ZNF638: variants seen among roughly 807,000 people sequenced by gnomAD.
ZNF638 encodes the protein CTCL tumor antigen se33-1.
In ZNF638, 46 loss-of-function variants were observed where a neutral mutation model predicts 195.6. That is an observed-to-expected ratio of 0.24 (90% CI 0.19 to 0.30). The LOEUF is 0.30. Ranked by LOEUF, ZNF638 falls within the 10% of genes least tolerant of loss-of-function variation. The probability of loss-of-function intolerance (pLI) is 1.00; values close to 1 mark genes in which losing one functional copy is unlikely to be tolerated. For synonymous variants in ZNF638, 845 were observed against 772.0 expected (o/e 1.09, Z -1.57); for missense variants, 2,440 against 2,325.3 (o/e 1.05, Z -1.01).
intron 10 of ZNF638, among the ~76,000 whole-genome samples, chr2:71,394,848 A>G (rs529989171): frequency 6.9e-6 from 1 of 144,962 alleles, no homozygotes; most frequent in Admixed American, 6.7e-5. Flanking sequence ...ACAGCAGGGT[A>G]CAAATCAAAA....
rs369342536 is a variant in ZNF638 at position 71,410,970 on chromosome 2, C to T, written c.3261+2723C>T. Among the ~76,000 whole-genome samples, 122 of 125,972 alleles carry T rather than the reference C, an allele frequency of 9.7e-4. 9 individuals carry two copies. In the East Asian group the frequency reaches 0.029, roughly 30 times the overall value. 82.6% of individuals were successfully genotyped at this position (125,972 alleles called of 152,430 possible). ...GCTTTTAGAGCAGGAAGTTTTTCTCCCCACCCACCACCTCCCCCCCCCTTT... is the reference window on the plus strand; with the variant it reads ...GCTTTTAGAGCAGGAAGTTTTTCTCTCCACCCACCACCTCCCCCCCCCTTT... On this transcript the variant is annotated intron_variant, in intron 20 of 27. Coordinates refer to ENST00000264447, the MANE Select transcript of ZNF638 (RefSeq NM_014497.5).
intron 26 of ZNF638, among the ~76,000 whole-genome samples, chr2:71,431,770 A>C (rs557150587): frequency 6.6e-6 from 1 of 152,244 alleles, no homozygotes; most frequent in South Asian, 2.1e-4. Flanking sequence ...AAAAAAAAAA[A>C]AAAACAAAAA....
intron 10 of ZNF638, among the ~76,000 whole-genome samples, chr2:71,385,582 A>G (rs1195106382): frequency 1.4e-5 from 2 of 142,270 alleles, no homozygotes; most frequent in Admixed American, 6.9e-5. Context: ...GGCTGGTGGT[A>G]GTCACACTGA....
chr2:71,406,642 T>C (rs1037363729), intron 19 of ZNF638, among the ~76,000 whole-genome samples: 4 of 152,190 alleles, frequency 2.6e-5, no homozygotes, highest in Admixed American at 1.3e-4. Context: ...AATATTTCTT[T>C]AAGTCCCTTC....
At chr2:71,388,919 A>G (rs956709077) in intron 10 of ZNF638, among the ~76,000 whole-genome samples, 5 of 152,148 alleles carry the variant, frequency 3.3e-5, no homozygotes, top group Admixed American at 2.6e-4. Context: ...CCCATAATCC[A>G]TGGTTCCCAG....
At chr2:71,424,564 T>TTTTTTTGTTTTTTG in intron 22 of ZNF638, 86 bp from the exon 23 acceptor site, 7 of 1,119,220 alleles carry the variant, frequency 6.3e-6, no homozygotes. Context: ...GTTTACTGTT[T>TTTTTTTGTTTTTTG]TTTTTTGTTT....
intron 26 of ZNF638, among the ~76,000 whole-genome samples, chr2:71,431,770 A>G (rs557150587): frequency 2.6e-5 from 4 of 152,126 alleles, no homozygotes; most frequent in African/African-American, 7.2e-5. Context: ...AAAAAAAAAA[A>G]AAAACAAAAA....
intron 10 of ZNF638, chr2:71,395,435 A>G (rs978525433): frequency 7.9e-6 from 5 of 635,168 alleles, no homozygotes; most frequent in South Asian, 3.7e-5. Flanking sequence ...AGGTTTTGCA[A>G]AGCTTCGGGA....
chr2:71,422,769 G>C (rs1385541167), intron 21 of ZNF638, 45 bp from the exon 22 acceptor site: 2 of 1,556,570 alleles, frequency 1.3e-6, no homozygotes, highest in African/African-American at 2.8e-5. Flanking sequence ...ATTTTTGTTT[G>C]TGTTTTTGTT....
chr2:71,350,648 C>A (rs967482064), intron 2 of ZNF638, among the ~76,000 whole-genome samples: 9 of 152,096 alleles, frequency 5.9e-5, no homozygotes, highest in African/African-American at 2.2e-4. Flanking sequence ...ATGGTATAAC[C>A]CATTTGTAAT....
chr2:71,384,198 C>A (rs1045479597), intron 10 of ZNF638, among the ~76,000 whole-genome samples: 1 of 152,156 alleles, frequency 6.6e-6, no homozygotes, highest in African/African-American at 2.4e-5. Context: ...ATGCCTGTAA[C>A]TCCTTTTAAT....
At chr2:71,387,882 T>G (rs555492112) in intron 10 of ZNF638, among the ~76,000 whole-genome samples, 2 of 152,276 alleles carry the variant, frequency 1.3e-5, no homozygotes, top group East Asian at 3.9e-4. Context: ...TATGTGTTAA[T>G]TTTCTTAAGG....
intron 2 of ZNF638, among the ~76,000 whole-genome samples, chr2:71,352,439 C>T (rs1390789057): frequency 2.0e-5 from 3 of 150,508 alleles, no homozygotes; most frequent in Non-Finnish European, 4.4e-5. Flanking sequence ...GATCGCGCCG[C>T]TGCACTCCAG....
At chr2:71,368,778 C>T (rs2079251928) in intron 7 of ZNF638, among the ~76,000 whole-genome samples, 1 of 152,210 alleles carries the variant, frequency 6.6e-6, no homozygotes, top group Non-Finnish European at 1.5e-5. Context: ...TGTAGGATCT[C>T]AACTACTGTG....
At chr2:71,384,253 G>A (rs2079592516) in intron 10 of ZNF638, among the ~76,000 whole-genome samples, 1 of 152,108 alleles carries the variant, frequency 6.6e-6, no homozygotes, top group African/African-American at 2.4e-5. Flanking sequence ...ATAGCCTCCT[G>A]ACTGGTATTT....
intron 20 of ZNF638, among the ~76,000 whole-genome samples, chr2:71,417,786 G>T (rs2080333678): frequency 6.6e-6 from 1 of 151,882 alleles, no homozygotes. Context: ...ATATAAGCTA[G>T]ACTTATCACC....
chr2:71,427,780 T>C (rs893479178), intron 24 of ZNF638, among the ~76,000 whole-genome samples: 3 of 152,206 alleles, frequency 2.0e-5, no homozygotes, highest in African/African-American at 7.2e-5. Context: ...TTGCTTAGAC[T>C]TAGAATTAAG....
chr2:71,433,312 G>A (rs757763361), intron 27 of ZNF638, 29 bp downstream of exon 27: 1 of 1,484,284 alleles, frequency 6.7e-7, no homozygotes, highest in Non-Finnish European at 9.4e-7. Context: ...ACAAAATCTT[G>A]AGGTGTTGTT....
intron 20 of ZNF638, among the ~76,000 whole-genome samples, chr2:71,411,711 T>G (rs1034133896): frequency 2.3e-5 from 2 of 86,562 alleles, no homozygotes; most frequent in African/African-American, 8.6e-5. Context: ...CACCTATGAG[T>G]GAGAATATGC....
Sources: allele counts gnomAD v4.1 joint callset (sites outside exome capture counted in the v4.1 genomes callset), GRCh38; gene constraint gnomAD v4.1.1; transcripts MANE v1.5; gene names NCBI Gene and HGNC (gene_info 2026-07-23, HGNC 2026-07-21).